Variants in HPD observed in about 807,000 individuals in gnomAD.
The protein encoded by HPD is 4-hydroxyphenylpyruvate dioxygenase.
A neutral mutation model predicts 56.9 loss-of-function variants in HPD; 35 were observed. That is an observed-to-expected ratio of 0.62 (90% confidence interval 0.47 to 0.82). The LOEUF is 0.82. HPD is among the 40% of genes least tolerant of loss of function. The pLI is 0.00. For missense variants in HPD, 442 were observed against 506.8 expected (o/e 0.87, Z 1.23); for synonymous variants, 186 against 200.2 (o/e 0.93, Z 0.60).
chr12:121,878,279 A>G, the HPD span, among the ~76,000 whole-genome samples: 694 of 152,322 alleles, frequency 4.6e-3, 1 homozygote, highest in Non-Finnish European at 8.0e-3. Flanking sequence ...GGAGAAGTGC[A>G]TAAGTGTATA....
At chr12:121,876,592 C>T in the HPD span, among the ~76,000 whole-genome samples, 122 of 152,244 alleles carry the variant, frequency 8.0e-4, no homozygotes, top group African/African-American at 2.8e-3. Context: ...GCCCAGCCAT[C>T]GATCCCTTTC....
intron 9 of HPD, 131 bp from the exon 10 acceptor site, chr12:121,847,345 C>T: frequency 1.3e-6 from 1 of 794,006 alleles, no homozygotes; most frequent in African/African-American, 1.7e-5. Flanking sequence ...TCATACCCAT[C>T]AGAGATTTAG....
upstream of HPD, among the ~76,000 whole-genome samples, chr12:121,864,073 C>CAAAAAAAA (rs748278452): frequency 5.6e-3 from 397 of 71,182 alleles, no homozygotes; most frequent in African/African-American, 0.012. Context: ...ACTAAAAATA[C>CAAAAAAAA]AAAAAAAAAA....
intron 4 of HPD, 47 bp from the exon 5 acceptor site, chr12:121,856,672 T>TG (rs35712089): frequency 6.3e-7 from 1 of 1,578,106 alleles, no homozygotes; most frequent in Non-Finnish European, 8.7e-7. Flanking sequence ...CAGGGGGGCA[T>TG]GGGGAGGTGC....
intron 7 of HPD, among the ~76,000 whole-genome samples, chr12:121,852,314 C>T (rs1877819341): frequency 6.6e-6 from 1 of 152,058 alleles, no homozygotes; most frequent in Non-Finnish European, 1.5e-5. Flanking sequence ...GCCACTGCAC[C>T]TGGCCTATTT....
the HPD span, among the ~76,000 whole-genome samples, chr12:121,871,427 C>A: frequency 6.6e-6 from 1 of 152,106 alleles, no homozygotes; most frequent in Non-Finnish European, 1.5e-5. Flanking sequence ...TTCCTGCAAT[C>A]TACAACTGGA....
upstream of HPD, among the ~76,000 whole-genome samples, chr12:121,863,119 A>G (rs775320066): frequency 1.3e-4 from 19 of 151,708 alleles, no homozygotes; most frequent in Non-Finnish European, 2.2e-4. Flanking sequence ...AGTAGTTAAG[A>G]CTACAGGCAT....
At chr12:121,843,184 T>C (rs1245046724) in intron 12 of HPD, among the ~76,000 whole-genome samples, 1 of 152,138 alleles carries the variant, frequency 6.6e-6, no homozygotes, top group Non-Finnish European at 1.5e-5. Flanking sequence ...CCTCCAGTGG[T>C]TTCTGGTCAC....
the HPD span, among the ~76,000 whole-genome samples, chr12:121,886,610 G>T: frequency 6.6e-6 from 1 of 151,694 alleles, no homozygotes; most frequent in Admixed American, 6.6e-5. Context: ...CACTTTCTTC[G>T]GACCACTTGC....
the HPD span, among the ~76,000 whole-genome samples, chr12:121,877,698 G>A: frequency 1.3e-5 from 2 of 151,826 alleles, no homozygotes; most frequent in African/African-American, 4.8e-5. Context: ...GTGCCACTGC[G>A]CTCCAGCCTG....
the HPD span, among the ~76,000 whole-genome samples, chr12:121,876,649 C>T: frequency 2.6e-5 from 4 of 152,158 alleles, no homozygotes; most frequent in Admixed American, 1.3e-4. Flanking sequence ...TGCTTGCATA[C>T]GTCTCCCACC....
In HPD at chr12:121,847,234, AC is replaced by A; in HGVS notation, c.597-21del. 6.2e-7 allele frequency: 1 copy of A among 1,613,772 alleles called. No homozygotes were observed. Among genetic ancestry groups the A allele is most frequent in the Non-Finnish European group, 8.5e-7 (1 of 1,179,756 alleles). On this transcript the variant is annotated intron_variant, in intron 9 of 13. Coordinates refer to ENST00000289004, the MANE Select transcript of HPD (RefSeq NM_002150.3). ...AGGTACCTGTAGGGTGGGCGGTGGA[AC>A]ACATATGCTCTGAGCGCCTCCAGGG... is the stretch of plus-strand genomic sequence containing the variant.
chr12:121,878,900 C>T, the HPD span, among the ~76,000 whole-genome samples: 2 of 151,604 alleles, frequency 1.3e-5, no homozygotes, highest in African/African-American at 4.8e-5. Flanking sequence ...GTCTCAAACT[C>T]CTGGGCTCAA....
At position 121,858,678 on chromosome 12, in the gene HPD, C is replaced by T. The variant is rs746810928; in HGVS notation, c.30+9G>A. On this transcript the variant is annotated intron_variant, in intron 2 of 13. Transcript: ENST00000289004. Reference sequence around the variant, plus strand: ...AGGCCCCTACATTTCCCACATTTCGCCTGCTTACCTTTGCCCCTTTGTCAC... The same window carrying T: ...AGGCCCCTACATTTCCCACATTTCGTCTGCTTACCTTTGCCCCTTTGTCAC... 1 of 1,614,070 alleles carries T rather than the reference C, an allele frequency of 6.2e-7. No homozygotes were observed. Among genetic ancestry groups the T allele is most frequent in the Admixed American group, 1.7e-5 (1 of 60,012 alleles).
At chr12:121,882,379 A>T in the HPD span, among the ~76,000 whole-genome samples, 10 of 152,110 alleles carry the variant, frequency 6.6e-5, no homozygotes, top group Admixed American at 5.2e-4. Flanking sequence ...TGAAATGAAG[A>T]TGAGCAAGAT....
At chr12:121,866,292 C>T (rs1177367292), upstream of HPD, among the ~76,000 whole-genome samples, 1 of 139,372 alleles carries the variant, frequency 7.2e-6, no homozygotes, top group Non-Finnish European at 1.6e-5. Context: ...CACAGCGAGA[C>T]TCCGCCTCAA....
Position 121,839,572 on chromosome 12 carries a change from G to T in HPD, c.*156C>A, listed in dbSNP as rs1330875541. ...ATCGGGAGGGCTGGAGCAGAGGGCG[G>T]CCCCGCCGAGGGGCGTGGTCAGTGT... is the stretch of plus-strand genomic sequence containing the variant. On this transcript the variant is annotated 3_prime_UTR_variant, in exon 14 of 14. Transcript: ENST00000289004. 1 of 659,178 alleles carries T rather than the reference G, an allele frequency of 1.5e-6. No individual in the cohort carries two copies. Among genetic ancestry groups the T allele is most frequent in the Admixed American group, 2.3e-5 (1 of 43,164 alleles). The allele number at this position is 659,178 out of a possible 1,614,324, so 40.8% of individuals were successfully genotyped here. A position where few individuals can be genotyped will look rare whatever the true frequency, so the allele number is the denominator to read the frequency against.
chr12:121,869,290 C>T, the HPD span, among the ~76,000 whole-genome samples: 1 of 147,822 alleles, frequency 6.8e-6, no homozygotes, highest in Admixed American at 6.9e-5. Flanking sequence ...ACGGAGGTTG[C>T]AGTGAGCCAG....
chr12:121,883,451 G>C, the HPD span, among the ~76,000 whole-genome samples: 1 of 151,868 alleles, frequency 6.6e-6, no homozygotes, highest in South Asian at 2.1e-4. Flanking sequence ...TAGGAGTAGA[G>C]GTGGAGGAGA....
Sources: gnomAD v4.1 joint callset for allele counts (sites outside exome capture counted in the v4.1 genomes callset) on GRCh38, gnomAD v4.1.1 for gene constraint, MANE v1.5 for transcripts, NCBI Gene and HGNC (gene_info 2026-07-23, HGNC 2026-07-21) for gene names.